The following RPS6KA2 variants were observed in gnomAD, a reference collection of about 807,000 sequenced individuals.
RPS6KA2 encodes the protein ribosomal protein S6 kinase alpha-2.
Under a neutral mutation model 91.8 loss-of-function variants are expected in RPS6KA2, and 42 were observed. The observed-to-expected ratio is 0.46, with a 90% CI of 0.36 to 0.59. RPS6KA2 has a LOEUF of 0.59. Among genes scored for constraint, RPS6KA2 ranks in the 20% least tolerant of loss-of-function variants. The pLI is 0.00. For missense variants in RPS6KA2, 798 were observed against 978.5 expected, an observed-to-expected ratio of 0.82 and a Z score of 2.46; for synonymous variants, 414 against 393.6, an observed-to-expected ratio of 1.05 and a Z score of -0.61.
chr6:166,781,009 A>T (rs781743463), intron 2 of RPS6KA2, among the ~76,000 whole-genome samples: 1 of 152,242 alleles, frequency 6.6e-6, no homozygotes, highest in Non-Finnish European at 1.5e-5. Flanking sequence ...ACTGACTCCT[A>T]CTAGAAGCTC....
rs184745084 is a variant in RPS6KA2, at chr6:166,845,423, G to C, written c.123+12777C>G. ...TGCAGAATATACACTCTACTCATCA[G>C]CACATGTAACATTCTCCAAGATAGA... On this transcript the variant is annotated intron_variant, in intron 2 of 21. Transcript: ENST00000503859. Among the ~76,000 whole-genome samples the C allele has an allele frequency of 4.5e-4, 69 of 152,246 alleles. 2 individuals are homozygous for C. Among genetic ancestry groups the C allele is most frequent in the Admixed American group, 4.5e-3 (69 of 15,294 alleles).
At chr6:166,488,236 C>T (rs1414768654) in intron 10 of RPS6KA2, among the ~76,000 whole-genome samples, 1 of 150,812 alleles carries the variant, frequency 6.6e-6, no homozygotes, top group African/African-American at 2.5e-5. Context: ...CTGTCTGAAC[C>T]GAAAACACCC....
At chr6:166,745,253 G>T (rs1790964139) in intron 2 of RPS6KA2, among the ~76,000 whole-genome samples, 1 of 150,286 alleles carries the variant, frequency 6.7e-6, no homozygotes, top group Admixed American at 6.7e-5. Flanking sequence ...CTGGGTTCAA[G>T]CGATTCCCCT....
At chr6:166,841,069 G>A (rs909141185) in intron 2 of RPS6KA2, among the ~76,000 whole-genome samples, 1 of 151,656 alleles carries the variant, frequency 6.6e-6, no homozygotes, top group African/African-American at 2.4e-5. Flanking sequence ...ATCACTTGAG[G>A]TTGGGAGTTC....
rs1583275132 is a variant in RPS6KA2 at position 166,554,841 on chromosome 6, T to C, written c.100-16057A>G. Among the ~76,000 whole-genome samples the C allele has an allele frequency of 6.6e-6, 1 of 152,190 alleles. No individual in the cohort carries two copies. The highest frequency in any genetic ancestry group is 2.4e-5 in the African/African-American group (1 of 41,460). Reference sequence around the variant, plus strand: ...CAGCAACTCCACAGCAAGTCAGAAATACAGAGATTGCCCACCGCATGAAAA... The same window carrying C: ...CAGCAACTCCACAGCAAGTCAGAAACACAGAGATTGCCCACCGCATGAAAA... On this transcript the variant is annotated intron_variant, in intron 1 of 20. Transcript: ENST00000265678. This position sits in a 1 kb window ranked among gnomAD's most constrained non-coding sequence, Gnocchi z 4.3.
chr6:166,764,160 G>A (rs1000159024), intron 2 of RPS6KA2, among the ~76,000 whole-genome samples: 4 of 152,198 alleles, frequency 2.6e-5, no homozygotes, highest in Non-Finnish European at 5.9e-5. Flanking sequence ...TGGGGAGGGC[G>A]TGAGTGAGAG....
At chr6:166,855,483 A>G (rs111626576) in intron 2 of RPS6KA2, among the ~76,000 whole-genome samples, 8 of 68,266 alleles carry the variant, frequency 1.2e-4, no homozygotes, top group South Asian at 6.2e-4. Flanking sequence ...AGGAAGAAGA[A>G]GAAGAGGAAG....
chr6:166,440,738 C>G (rs758946872), intron 14 of RPS6KA2, among the ~76,000 whole-genome samples: 3 of 152,350 alleles, frequency 2.0e-5, no homozygotes, highest in Non-Finnish European at 4.4e-5. Context: ...AAACAGAATG[C>G]TATCGATAGA....
chr6:166,605,537 A>G (rs1194826382), intron 1 of RPS6KA2, among the ~76,000 whole-genome samples: 1 of 152,224 alleles, frequency 6.6e-6, no homozygotes, highest in Non-Finnish European at 1.5e-5. Context: ...CTTCCTATCT[A>G]GGCACGTAAA....
intron 3 of RPS6KA2, among the ~76,000 whole-genome samples, chr6:166,526,880 C>T (rs930765009): frequency 6.6e-6 from 1 of 152,240 alleles, no homozygotes; most frequent in Non-Finnish European, 1.5e-5. Flanking sequence ...TGTGTGTACA[C>T]ACAAATACAC....
At chr6:166,746,489 A>C (rs1791017245) in intron 2 of RPS6KA2, among the ~76,000 whole-genome samples, 1 of 152,236 alleles carries the variant, frequency 6.6e-6, no homozygotes, top group Non-Finnish European at 1.5e-5. Flanking sequence ...ATTTCTTCCC[A>C]GCAGCAACCG....
chr6:166,730,038 T>C (rs564708301), intron 2 of RPS6KA2, among the ~76,000 whole-genome samples: 1 of 152,248 alleles, frequency 6.6e-6, no homozygotes, highest in African/African-American at 2.4e-5. Context: ...TGTGTTGCCT[T>C]TATTAGATTT....
At chr6:166,739,967 C>A (rs1369421629) in intron 2 of RPS6KA2, among the ~76,000 whole-genome samples, 2 of 152,218 alleles carry the variant, frequency 1.3e-5, no homozygotes, top group African/African-American at 4.8e-5. Context: ...TCCTACAGGG[C>A]CTGCTTTAAG....
chr6:166,818,836 C>A (rs931753816), intron 2 of RPS6KA2, among the ~76,000 whole-genome samples: 1 of 151,886 alleles, frequency 6.6e-6, no homozygotes, highest in South Asian at 2.1e-4. Context: ...TACGTGTTCC[C>A]GCTGATAACT....
chr6:166,421,325 A>G (rs1180596888), intron 17 of RPS6KA2, among the ~76,000 whole-genome samples: 4 of 152,232 alleles, frequency 2.6e-5, no homozygotes, highest in African/African-American at 9.6e-5. Flanking sequence ...GTGGGAGACC[A>G]GAATATGCCA....
chr6:166,627,390 AC>A, upstream of RPS6KA2: 1 of 180,570 alleles, frequency 5.5e-6, no homozygotes, highest in Non-Finnish European at 8.6e-6. Context: ...AGCGCTCACC[AC>A]CCCTCCCGTT....
intron 2 of RPS6KA2, among the ~76,000 whole-genome samples, chr6:166,856,864 T>C (rs151289871): frequency 4.9e-4 from 74 of 152,302 alleles, no homozygotes; most frequent in Non-Finnish European, 3.7e-4. Context: ...TTGATCATCA[T>C]GGAACTGGCA....
Position 166,825,032 on chromosome 6 carries a change from C to A in RPS6KA2, c.123+33168G>T, listed in dbSNP as rs1780018858. Among the ~76,000 whole-genome samples the A allele has an allele frequency of 6.6e-6, 1 of 152,272 alleles. No individual in the cohort carries two copies. Among genetic ancestry groups the A allele is most frequent in the African/African-American group, 2.4e-5 (1 of 41,472 alleles). ...GCACCCCAGGGAGCTGCCTTCCCGTCCGTCTTCTGCCTCCACCCACACAGC... is the reference window on the plus strand; with the variant it reads ...GCACCCCAGGGAGCTGCCTTCCCGTACGTCTTCTGCCTCCACCCACACAGC... On this transcript the variant is annotated intron_variant, in intron 2 of 21. Coordinates refer to the RPS6KA2 transcript ENST00000503859. The surrounding 1 kb of genome is among the most constrained non-coding windows in gnomAD (Gnocchi z 4.1).
intron 2 of RPS6KA2, among the ~76,000 whole-genome samples, chr6:166,809,129 C>A (rs188386435): frequency 6.6e-6 from 1 of 152,082 alleles, no homozygotes; most frequent in Non-Finnish European, 1.5e-5. Context: ...AATTTTATAT[C>A]GGTGGTTTCA....
Sources: gnomAD v4.1 joint callset for allele counts (sites outside exome capture counted in the v4.1 genomes callset) on GRCh38, gnomAD v4.1.1 for gene constraint, Gnocchi (gnomAD v3.1) non-coding constraint, MANE v1.5 for transcripts, NCBI Gene and HGNC (gene_info 2026-07-23, HGNC 2026-07-21) for gene names.